Variants in PIK3CG observed in about 807,000 individuals in gnomAD.
The protein encoded by PIK3CG is phosphatidylinositol-4,5-bisphosphate 3-kinase catalytic subunit gamma.
In PIK3CG, 55 loss-of-function variants were observed where a neutral mutation model predicts 102.3. The observed-to-expected ratio is 0.54, with a 90% CI of 0.43 to 0.67. The LOEUF (loss-of-function observed/expected upper bound fraction) is 0.67. Ranked by LOEUF, PIK3CG falls within the 30% of genes least tolerant of loss-of-function variation. The pLI is 0.00. For missense variants in PIK3CG, 1,258 were observed against 1,391.8 expected, an observed-to-expected ratio of 0.90 and a Z score of 1.53; for synonymous variants, 552 against 540.0, an observed-to-expected ratio of 1.02 and a Z score of -0.31.
chr7:106,904,183 T>A (rs1365370732), intron 10 of PIK3CG, among the ~76,000 whole-genome samples: 1 of 152,214 alleles, frequency 6.6e-6, no homozygotes, highest in Non-Finnish European at 1.5e-5. Flanking sequence ...ATATATTTTT[T>A]AAATCAAAAA....
In PIK3CG at chr7:106,884,151, T is replaced by C; in HGVS notation, c.2761-4T>C. On this transcript the variant is annotated splice_polypyrimidine_tract_variant and splice_region_variant and intron_variant, in intron 8 of 10. Coordinates refer to ENST00000496166, the MANE Select transcript of PIK3CG (RefSeq NM_001282426.2). The surrounding 1 kb of genome is among the most constrained non-coding windows in gnomAD (Gnocchi z 4.2). ...CAACTAATATTCAAATGCATTTTAA[T>C]TAGTTTCAGGCAGCAGTGGAGAGAT... The C allele has an allele frequency of 6.2e-7, 1 of 1,600,490 alleles. No homozygotes were observed. The highest frequency in any genetic ancestry group is 8.6e-7 in the Non-Finnish European group (1 of 1,168,574).
Position 106,868,289 on chromosome 7 carries a change from C to A in PIK3CG, c.728C>A (p.Ala243Asp), listed in dbSNP as rs2116436060. ...GTCTCACCCGACGACACCCCCGGCG[C>A]CATCCTGCAGAGCTTCTTCACCAAG... ...IKVSPDDTPGAILQSFFTKMA... is the reference protein window; with the variant it reads ...IKVSPDDTPGDILQSFFTKMA... The change falls in exon 2 of 11, where the codon GCC becomes GAC. Residue 243 changes from alanine (A) to aspartate (D), a missense_variant. Physicochemically the swap from Ala to Asp is moderately radical, Grantham distance 126 (BLOSUM62 -2). Coordinates refer to ENST00000496166, the MANE Select transcript of PIK3CG (RefSeq NM_001282426.2). This position sits in a 1 kb window ranked among gnomAD's most constrained non-coding sequence, Gnocchi z 6.2. 6.2e-7 allele frequency: 1 copy of A among 1,614,144 alleles called. No homozygotes were observed. Among genetic ancestry groups the A allele is most frequent in the Non-Finnish European group, 8.5e-7 (1 of 1,180,044 alleles).
rs1791686041 is a variant in PIK3CG, at chr7:106,906,446, C to T, written c.*1059C>T. On this transcript the variant is annotated 3_prime_UTR_variant, in exon 11 of 11. Coordinates refer to ENST00000496166, the MANE Select transcript of PIK3CG (RefSeq NM_001282426.2). ...TAAACTTTGGCCTGAACAGTTTTTTCTTTTTCTTAATGGAAGAAGATATTT... is the reference window on the plus strand; with the variant it reads ...TAAACTTTGGCCTGAACAGTTTTTTTTTTTTCTTAATGGAAGAAGATATTT... The T allele has an allele frequency of 4.4e-6, 1 of 228,192 alleles. No individual in the cohort carries two copies. Among genetic ancestry groups the T allele is most frequent in the African/African-American group, 2.2e-5 (1 of 44,966 alleles). The allele number at this position is 228,192 out of a possible 1,614,324, so 14.1% of individuals were successfully genotyped here. A position where few individuals can be genotyped will look rare whatever the true frequency, so the allele number is the denominator to read the frequency against.
intron 5 of PIK3CG, among the ~76,000 whole-genome samples, chr7:106,875,910 T>G (rs868512137): frequency 2.2e-4 from 12 of 54,462 alleles, no homozygotes; most frequent in African/African-American, 5.5e-4. Context: ...TTTTTTTTTG[T>G]TTTTTTTTTT....
chr7:106,904,546 C>T (rs891021375), intron 10 of PIK3CG, among the ~76,000 whole-genome samples: 1 of 152,208 alleles, frequency 6.6e-6, no homozygotes, highest in Non-Finnish European at 1.5e-5. Context: ...AGCCCTCTCT[C>T]TCACTCAGTG....
At position 106,867,873 on chromosome 7, in the gene PIK3CG, G is replaced by A. The variant is rs761245286; in HGVS notation, c.312G>A (p.Gly104=). The A allele has an allele frequency of 1.2e-6, 2 of 1,613,086 alleles. No individual in the cohort carries two copies. Among genetic ancestry groups the A allele is most frequent in the South Asian group, 1.1e-5 (1 of 91,082 alleles). Residue 104 remains glycine (G), a synonymous_variant, in exon 2 of 11, where the codon GGG becomes GGA. Transcript: ENST00000496166. This position sits in a 1 kb window ranked among gnomAD's most constrained non-coding sequence, Gnocchi z 5.1. ...TCCTCCTGCTCTATCAGAAGAAGGG[G>A]CAGTGGTACGAGATCTACGACAAGT... ...HHFLLLYQKK[G]QWYEIYDKYQ...
chr7:106,883,183 C>A lies in PIK3CG; in HGVS notation c.2760+20C>A, dbSNP rs200932463. On this transcript the variant is annotated intron_variant, in intron 8 of 10. Coordinates refer to ENST00000496166, the MANE Select transcript of PIK3CG (RefSeq NM_001282426.2). This position sits in a 1 kb window ranked among gnomAD's most constrained non-coding sequence, Gnocchi z 5.8. ...GAAAAGGTGAGCTCATGCTTTTTCC[C>A]AGTCTAATGGCTCCTTACAAGTTGT... The A allele has an allele frequency of 6.2e-7, 1 of 1,613,668 alleles. No homozygotes were observed.
Position 106,868,479 on chromosome 7 carries a change from A to G in PIK3CG, c.918A>G (p.Val306=), listed in dbSNP as rs2116441624. 1.2e-6 allele frequency: 2 copies of G among 1,614,196 alleles called. No individual in the cohort carries two copies. Among genetic ancestry groups the G allele is most frequent in the Non-Finnish European group, 1.7e-6 (2 of 1,180,036 alleles). ...CLKNGEEIHV[V]LDTPPDPALD... is the part of the protein sequence containing the mutation. Reference sequence around the variant, plus strand: ...AGAACGGAGAAGAGATTCACGTGGTACTGGACACGCCTCCAGACCCGGCCC... The same window carrying G: ...AGAACGGAGAAGAGATTCACGTGGTGCTGGACACGCCTCCAGACCCGGCCC... Residue 306 remains valine, a synonymous_variant, in exon 2 of 11, where the codon GTA becomes GTG. Coordinates refer to ENST00000496166, the MANE Select transcript of PIK3CG (RefSeq NM_001282426.2). This position sits in a 1 kb window ranked among gnomAD's most constrained non-coding sequence, Gnocchi z 6.2.
chr7:106,904,063 C>T (rs1562803832), intron 10 of PIK3CG, among the ~76,000 whole-genome samples: 1 of 152,014 alleles, frequency 6.6e-6, no homozygotes, highest in Non-Finnish European at 1.5e-5. Context: ...ACCAGGCCCA[C>T]TTTTCTGATT....
rs971973972 is a variant in PIK3CG, at chr7:106,891,430, T to C, written c.3030+5138T>C. Among the ~76,000 whole-genome samples, 1 of 152,246 alleles carries C rather than the reference T, an allele frequency of 6.6e-6. No individual in the cohort carries two copies. The highest frequency in any genetic ancestry group is 1.5e-5 in the Non-Finnish European group (1 of 68,046). ...GAGTGTAATATGGTACATATTCACA[T>C]TTTTGTAGAGATTTCCTTATTGACA... On this transcript the variant is annotated intron_variant, in intron 10 of 10. Coordinates refer to ENST00000496166, the MANE Select transcript of PIK3CG (RefSeq NM_001282426.2). The surrounding 1 kb of genome is among the most constrained non-coding windows in gnomAD (Gnocchi z 4.4).
rs1247317460 is a variant in PIK3CG at position 106,894,367 on chromosome 7, A to G, written c.3030+8075A>G. 6.6e-6 allele frequency among the ~76,000 whole-genome samples: 1 copy of G among 152,216 alleles called. No individual in the cohort carries two copies. Among genetic ancestry groups the G allele is most frequent in the Non-Finnish European group, 1.5e-5 (1 of 68,038 alleles). ...ATGTGCTTCTAGCTAAATATTCGAG[A>G]AGATGACAGTACAGCCCTTCTCCTG... is the stretch of plus-strand genomic sequence containing the variant. On this transcript the variant is annotated intron_variant, in intron 10 of 10. Transcript: ENST00000496166. This position sits in a 1 kb window ranked among gnomAD's most constrained non-coding sequence, Gnocchi z 4.4.
At chr7:106,881,257 G>A (rs1172542917) in intron 6 of PIK3CG, among the ~76,000 whole-genome samples, 3 of 152,054 alleles carry the variant, frequency 2.0e-5, no homozygotes, top group South Asian at 2.1e-4. Flanking sequence ...TTTATTTGTT[G>A]GGGCACATAG....
At position 106,867,599 on chromosome 7, in the gene PIK3CG, G is replaced by A. The variant is rs777538453; in HGVS notation, c.38G>A (p.Arg13Lys). ...LENYKQPVVL[R>K]EDNCRRRRRM... ...AACTATAAACAGCCCGTGGTGCTGA[G>A]AGAGGACAACTGCCGAAGGCGCCGG... is the stretch of plus-strand genomic sequence containing the variant. Residue 13 changes from arginine to lysine, a missense_variant, in exon 2 of 11, where the codon AGA becomes AAA. Arg to Lys is a conservative substitution (Grantham distance 26, BLOSUM62 2). Coordinates refer to ENST00000496166, the MANE Select transcript of PIK3CG (RefSeq NM_001282426.2). The surrounding 1 kb of genome is among the most constrained non-coding windows in gnomAD (Gnocchi z 5.1). The A allele has an allele frequency of 4.4e-6, 7 of 1,604,708 alleles. No homozygotes were observed. In the South Asian group the frequency reaches 5.5e-5, roughly 13 times the overall value.
chr7:106,882,080 A>T (rs757527642), intron 6 of PIK3CG, 37 bp from the exon 7 acceptor site: 1 of 887,052 alleles, frequency 1.1e-6, no homozygotes, highest in Non-Finnish European at 1.6e-6. Context: ...AAGTTAATAT[A>T]TATATAATAT....
intron 6 of PIK3CG, among the ~76,000 whole-genome samples, chr7:106,881,616 G>A (rs1790937311): frequency 2.0e-5 from 3 of 152,156 alleles, no homozygotes; most frequent in African/African-American, 7.2e-5. Context: ...AGAGGCCAAG[G>A]TGGGCGGATC....
At chr7:106,901,084 A>G (rs1791538326) in intron 10 of PIK3CG, among the ~76,000 whole-genome samples, 1 of 152,156 alleles carries the variant, frequency 6.6e-6, no homozygotes, top group Non-Finnish European at 1.5e-5. Flanking sequence ...TATTTCCTGA[A>G]TTTGACTGTC....
rs1015312525 is a variant in PIK3CG, at chr7:106,903,877, G to A, written c.3031-1232G>A. Among the ~76,000 whole-genome samples the A allele has an allele frequency of 6.6e-6, 1 of 151,894 alleles. No homozygotes were observed. The highest frequency in any genetic ancestry group is 1.5e-5 in the Non-Finnish European group (1 of 67,990). On this transcript the variant is annotated intron_variant, in intron 10 of 10. Coordinates refer to ENST00000496166, the MANE Select transcript of PIK3CG (RefSeq NM_001282426.2). This position sits in a 1 kb window ranked among gnomAD's most constrained non-coding sequence, Gnocchi z 4.3. ...AGGTTCAAGCAATTCTCTTGCCTCA[G>A]CCTCCTGAGTAACTGGGATTACAGA...
At chr7:106,881,373 C>T (rs577082084) in intron 6 of PIK3CG, among the ~76,000 whole-genome samples, 1 of 152,206 alleles carries the variant, frequency 6.6e-6, no homozygotes, top group African/African-American at 2.4e-5. Context: ...GCAAGGATCA[C>T]ACATAAAGCA....
Position 106,879,459 on chromosome 7 carries a change from C to A in PIK3CG, c.2392-60C>A, listed in dbSNP as rs2116520754. On this transcript the variant is annotated intron_variant, in intron 5 of 10. Transcript: ENST00000496166. The surrounding 1 kb of genome is among the most constrained non-coding windows in gnomAD (Gnocchi z 4.9). ...TGATGTTTTGCAAGAGAATTTGTGTCTCCACCATGTATATTCGTTATTCAT... is the reference window on the plus strand; with the variant it reads ...TGATGTTTTGCAAGAGAATTTGTGTATCCACCATGTATATTCGTTATTCAT... 1 of 1,347,384 alleles carries A rather than the reference C, an allele frequency of 7.4e-7. No homozygotes were observed. Among genetic ancestry groups the A allele is most frequent in the Non-Finnish European group, 1.1e-6 (1 of 942,770 alleles). The allele number at this position is 1,347,384 out of a possible 1,614,324, so 83.5% of individuals were successfully genotyped here.
Sources: gnomAD v4.1 joint callset for allele counts (sites outside exome capture counted in the v4.1 genomes callset) on GRCh38, gnomAD v4.1.1 for gene constraint, Gnocchi (gnomAD v3.1) non-coding constraint, MANE v1.5 for transcripts, NCBI Gene and HGNC (gene_info 2026-07-23, HGNC 2026-07-21) for gene names.